The following SYT1 variants were observed in gnomAD, a reference collection of about 807,000 sequenced individuals.
SYT1 encodes the protein synaptotagmin 1.
A neutral mutation model predicts 44.8 loss-of-function variants in SYT1; 8 were observed. The observed-to-expected ratio is 0.18, with a 90% CI of 0.10 to 0.32. SYT1 has a LOEUF of 0.32. Ranked by LOEUF, SYT1 falls within the 10% of genes least tolerant of loss-of-function variation. The probability of loss-of-function intolerance (pLI) is 1.00; values close to 1 mark genes in which losing one functional copy is unlikely to be tolerated. For missense variants in SYT1, 286 were observed against 509.3 expected, an observed-to-expected ratio of 0.56 and a Z score of 4.22; for synonymous variants, 154 against 188.8, an observed-to-expected ratio of 0.82 and a Z score of 1.51.
chr12:79,094,302 T>TAGTCCTATTTGTGAA (rs1877977088), intron 3 of SYT1, among the ~76,000 whole-genome samples: 3 of 151,824 alleles, frequency 2.0e-5, no homozygotes, highest in African/African-American at 7.2e-5. Context: ...AGCATTAAGC[T>TAGTCCTATTTGTGAA]AGTCCTATTT....
At chr12:79,386,863 C>T (rs1408798514) in intron 9 of SYT1, among the ~76,000 whole-genome samples, 1 of 152,192 alleles carries the variant, frequency 6.6e-6, no homozygotes, top group Non-Finnish European at 1.5e-5. Context: ...TCCTACTTCA[C>T]TTCTCTACGG....
At chr12:79,314,076 G>A in intron 8 of SYT1, among the ~76,000 whole-genome samples, 1 of 148,506 alleles carries the variant, frequency 6.7e-6, no homozygotes, top group African/African-American at 2.5e-5. Context: ...GGCTGAGGCA[G>A]GAGAATGGCG....
chr12:79,356,583 A>G (rs565615905), intron 9 of SYT1, among the ~76,000 whole-genome samples: 65 of 152,340 alleles, frequency 4.3e-4, no homozygotes, highest in African/African-American at 1.5e-3. Flanking sequence ...CCAAAATTAT[A>G]TAATAAGATC....
At chr12:79,400,715 A>C (rs1215956797) in intron 9 of SYT1, among the ~76,000 whole-genome samples, 2 of 152,224 alleles carry the variant, frequency 1.3e-5, no homozygotes, top group African/African-American at 4.8e-5. Flanking sequence ...TAAGTTTTAG[A>C]CTGAGGGCAC....
chr12:79,112,996 A>G (rs1281900525), intron 3 of SYT1, among the ~76,000 whole-genome samples: 1 of 152,132 alleles, frequency 6.6e-6, no homozygotes, highest in African/African-American at 2.4e-5. Flanking sequence ...ACACCAACAG[A>G]AGTGTACAAA....
At chr12:79,051,453 A>C (rs1592702683) in intron 3 of SYT1, among the ~76,000 whole-genome samples, 1 of 150,870 alleles carries the variant, frequency 6.6e-6, no homozygotes, top group East Asian at 1.9e-4. Context: ...TCTTGGCTTA[A>C]TCCATCTCCA....
chr12:79,419,196 C>A, intron 9 of SYT1: 1 of 479,422 alleles, frequency 2.1e-6, no homozygotes, highest in African/African-American at 2.0e-5. Context: ...TAAATTTCTA[C>A]TCACATTTCC....
chr12:79,092,584 C>A (rs1267050310), intron 3 of SYT1, among the ~76,000 whole-genome samples: 1 of 151,664 alleles, frequency 6.6e-6, no homozygotes, highest in East Asian at 1.9e-4. Flanking sequence ...AAATCATAAT[C>A]TTTCATTGCT....
intron 1 of SYT1, among the ~76,000 whole-genome samples, chr12:78,902,150 A>G (rs1049068950): frequency 2.0e-5 from 3 of 151,912 alleles, no homozygotes; most frequent in African/African-American, 7.3e-5. Context: ...ACAAACCTGC[A>G]CGTTCTGCAC....
At chr12:79,256,413 A>AT (rs903587449) in intron 4 of SYT1, among the ~76,000 whole-genome samples, 1 of 152,044 alleles carries the variant, frequency 6.6e-6, no homozygotes, top group African/African-American at 2.4e-5. Flanking sequence ...TATCCAGGGA[A>AT]TTTTTTTTCT....
At chr12:79,337,127 T>C (rs2139033095) in intron 8 of SYT1, among the ~76,000 whole-genome samples, 1 of 152,244 alleles carries the variant, frequency 6.6e-6, no homozygotes, top group South Asian at 2.1e-4. Context: ...CCATCCTCAC[T>C]GATAGGTAAA....
At chr12:79,227,307 C>A (rs1368015009) in intron 4 of SYT1, among the ~76,000 whole-genome samples, 1 of 152,032 alleles carries the variant, frequency 6.6e-6, no homozygotes, top group Non-Finnish European at 1.5e-5. Context: ...ACACTGTTAT[C>A]TAAATGAAGC....
intron 4 of SYT1, among the ~76,000 whole-genome samples, chr12:79,279,356 T>C (rs1273781690): frequency 1.3e-5 from 2 of 152,016 alleles, no homozygotes; most frequent in East Asian, 3.9e-4. Context: ...TGCAAGTCAA[T>C]AAACATGATT....
At chr12:78,891,790 C>T (rs776898967) in intron 1 of SYT1, among the ~76,000 whole-genome samples, 1 of 151,792 alleles carries the variant, frequency 6.6e-6, no homozygotes, top group Non-Finnish European at 1.5e-5. Flanking sequence ...AAGTAGTCTT[C>T]CCTCTACAGC....
chr12:79,332,752 T>C (rs918969929), intron 8 of SYT1, among the ~76,000 whole-genome samples: 31 of 152,218 alleles, frequency 2.0e-4, no homozygotes, highest in Non-Finnish European at 1.3e-4. Context: ...TTTCTTTACA[T>C]TGTTTCAAAT....
chr12:78,876,129 A>G (rs1289072802), intron 1 of SYT1, among the ~76,000 whole-genome samples: 1 of 151,678 alleles, frequency 6.6e-6, no homozygotes, highest in Non-Finnish European at 1.5e-5. Context: ...GTAAATAAAC[A>G]CAGAAAACAT....
At chr12:79,152,456 G>T (rs1022583483) in intron 3 of SYT1, among the ~76,000 whole-genome samples, 6 of 152,144 alleles carry the variant, frequency 3.9e-5, no homozygotes, top group Admixed American at 3.9e-4. Flanking sequence ...AGAAGTGGAA[G>T]AAAAGTGCCA....
In SYT1 at chr12:78,975,518, G is replaced by C. The variant is rs142621059; in HGVS notation, c.-216-2281G>C. Among the ~76,000 whole-genome samples, 139 of 152,262 alleles carry C rather than the reference G, an allele frequency of 9.1e-4. 1 individual carries two copies. The highest frequency in any genetic ancestry group is 3.2e-3 in the African/African-American group (132 of 41,566). ...TGCAACACTTGGCAAAGTGGGTTCTGGTGGGAGCTGGTAATATCCTTTAAA... is the reference window on the plus strand; with the variant it reads ...TGCAACACTTGGCAAAGTGGGTTCTCGTGGGAGCTGGTAATATCCTTTAAA... On this transcript the variant is annotated intron_variant, in intron 1 of 10. Coordinates refer to ENST00000261205, the MANE Select transcript of SYT1 (RefSeq NM_005639.3).
chr12:79,143,807 T>C (rs1220197843), intron 3 of SYT1, among the ~76,000 whole-genome samples: 1 of 152,174 alleles, frequency 6.6e-6, no homozygotes, highest in African/African-American at 2.4e-5. Flanking sequence ...ATATTACAGA[T>C]ACTGATTACA....
Sources: allele counts gnomAD v4.1 joint callset (sites outside exome capture counted in the v4.1 genomes callset), GRCh38; gene constraint gnomAD v4.1.1; transcripts MANE v1.5; gene names NCBI Gene and HGNC (gene_info 2026-07-23, HGNC 2026-07-21).